Variants in THEMIS observed in about 807,000 individuals in gnomAD.
THEMIS encodes the protein thymocyte selection associated.
In THEMIS, 37 loss-of-function variants were observed where a neutral mutation model predicts 52.6. The ratio of observed to expected loss-of-function variants is 0.70; its 90% confidence interval spans 0.54 to 0.93. The LOEUF is 0.93. Among genes scored for constraint, THEMIS ranks in the 40% least tolerant of loss-of-function variants. The pLI, the probability that THEMIS is intolerant of heterozygous loss-of-function variation, is 0.00. For synonymous variants in THEMIS, 292 were observed against 272.7 expected, an observed-to-expected ratio of 1.07 and a Z score of -0.70; for missense variants, 808 against 763.1, an observed-to-expected ratio of 1.06 and a Z score of -0.69.
intron 1 of THEMIS, among the ~76,000 whole-genome samples, chr6:127,915,500 A>T (rs888734055): frequency 2.0e-5 from 3 of 151,382 alleles, no homozygotes; most frequent in African/African-American, 7.3e-5. Context: ...TTACTAAGTA[A>T]AGGCAGGGCA....
intron 4 of THEMIS, among the ~76,000 whole-genome samples, chr6:127,810,840 G>C (rs1342284701): frequency 6.6e-6 from 1 of 151,358 alleles, no homozygotes; most frequent in Non-Finnish European, 1.5e-5. Context: ...AAAATGAGAC[G>C]TGAGATGCAG....
At chr6:127,749,542 C>T (rs1427633439) in intron 4 of THEMIS, among the ~76,000 whole-genome samples, 1 of 151,846 alleles carries the variant, frequency 6.6e-6, no homozygotes, top group Non-Finnish European at 1.5e-5. Flanking sequence ...TGCTGTATGC[C>T]TTCATAGGAT....
chr6:127,744,020 C>T (rs1225257276), intron 4 of THEMIS, among the ~76,000 whole-genome samples: 2 of 151,928 alleles, frequency 1.3e-5, no homozygotes, highest in South Asian at 4.1e-4. Context: ...TAAATGTTGA[C>T]CAAATTTTCA....
At chr6:127,711,645 T>A (rs1773987141) in intron 5 of THEMIS, among the ~76,000 whole-genome samples, 1 of 151,996 alleles carries the variant, frequency 6.6e-6, no homozygotes. Context: ...TAAAACCATA[T>A]ACTGTAGAAT....
intron 4 of THEMIS, among the ~76,000 whole-genome samples, chr6:127,799,922 T>C (rs960666947): frequency 6.6e-6 from 1 of 152,212 alleles, no homozygotes; most frequent in Admixed American, 6.5e-5. Context: ...AATTTAGTCA[T>C]AATGATGTTC....
intron 4 of THEMIS, among the ~76,000 whole-genome samples, chr6:127,733,466 C>T (rs966815439): frequency 6.6e-6 from 1 of 152,156 alleles, no homozygotes; most frequent in South Asian, 2.1e-4. Flanking sequence ...CCTAACAATT[C>T]GCTGACATCA....
chr6:127,813,712 T>C lies in THEMIS; in HGVS notation c.929A>G (p.His310Arg), dbSNP rs1212899144. Residue 310 changes from histidine to arginine, a missense_variant, in exon 4 of 6, where the codon CAC becomes CGC. His to Arg is a conservative substitution (Grantham distance 29). Transcript: ENST00000368248. ...GATTCTTGATGCCTGGTACTTTTTG[T>C]GGATCACAATGGTTTTCCCAGGCTG... is the stretch of plus-strand genomic sequence containing the variant. ...ILQPGKTIVI[H>R]KKYQASRILA... The C allele has an allele frequency of 6.2e-7, 1 of 1,613,984 alleles. No individual in the cohort carries two copies. Among genetic ancestry groups the C allele is most frequent in the Admixed American group, 1.7e-5 (1 of 59,974 alleles).
chr6:127,804,540 A>G (rs1305026043), intron 4 of THEMIS, among the ~76,000 whole-genome samples: 1 of 152,190 alleles, frequency 6.6e-6, no homozygotes, highest in Non-Finnish European at 1.5e-5. Context: ...TTTATTACAA[A>G]AGATTGAGAT....
intron 1 of THEMIS, among the ~76,000 whole-genome samples, chr6:127,857,772 G>T (rs899154577): frequency 6.6e-6 from 1 of 151,994 alleles, no homozygotes; most frequent in Admixed American, 6.6e-5. Context: ...GGACATTAAG[G>T]TTTGCAAACA....
rs77473665 is a variant in THEMIS at position 127,907,532 on chromosome 6, G to A, written c.-149-6451C>T. ...GATCAAACTTGGCTCACATGTATAT[G>A]TCTCAGCCAATCATTATGACTAGAA... is the stretch of plus-strand genomic sequence containing the variant. On this transcript the variant is annotated intron_variant, in intron 1 of 6. Transcript: ENST00000368250. Among the ~76,000 whole-genome samples the A allele has an allele frequency of 4.9e-4, 74 of 151,658 alleles. No individual in the cohort carries two copies. In the East Asian group the frequency reaches 0.013, roughly 26 times the overall value.
intron 5 of THEMIS, 33 bp downstream of exon 5, chr6:127,719,644 AGTTAAACCACC>A (rs1282631713): frequency 1.9e-6 from 3 of 1,547,788 alleles, no homozygotes; most frequent in Admixed American, 4.3e-5. Flanking sequence ...TCATGTGGAC[AGTTAAACCACC>A]GTGGTTTAAC....
At chr6:127,842,930 T>G (rs1272680510) in intron 2 of THEMIS, among the ~76,000 whole-genome samples, 2 of 151,958 alleles carry the variant, frequency 1.3e-5, no homozygotes, top group Non-Finnish European at 2.9e-5. Context: ...GTCTCCTTAG[T>G]GATGTAATTC....
intron 1 of THEMIS, among the ~76,000 whole-genome samples, chr6:127,915,345 G>GCT (rs2114540201): frequency 6.6e-6 from 1 of 152,238 alleles, no homozygotes; most frequent in East Asian, 1.9e-4. Context: ...GCTAAAATTG[G>GCT]AGCTTCCAAC....
At chr6:127,710,181 AAC>A (rs1773927675) in intron 5 of THEMIS, among the ~76,000 whole-genome samples, 165 bp from the exon 6 acceptor site, 2 of 151,928 alleles carry the variant, frequency 1.3e-5, no homozygotes, top group South Asian at 4.1e-4. Context: ...AAAAAAAAGA[AAC>A]AGAAGAAAGT....
the THEMIS span, among the ~76,000 whole-genome samples, chr6:127,696,887 T>A: frequency 6.6e-6 from 1 of 152,142 alleles, no homozygotes; most frequent in South Asian, 2.1e-4. Flanking sequence ...CTTACCCTTT[T>A]TACCTTAATT....
At chr6:127,828,918 A>C (rs1210224513) in intron 3 of THEMIS, among the ~76,000 whole-genome samples, 7 of 152,194 alleles carry the variant, frequency 4.6e-5, no homozygotes, top group Non-Finnish European at 1.0e-4. Flanking sequence ...AAAACAAAAA[A>C]ACAAACAAAC....
intron 5 of THEMIS, among the ~76,000 whole-genome samples, chr6:127,711,712 C>G (rs1773989063): frequency 6.6e-6 from 1 of 151,914 alleles, no homozygotes; most frequent in African/African-American, 2.4e-5. Flanking sequence ...GATTTAATTC[C>G]CACTTCTATC....
chr6:127,911,687 C>T (rs1234020449), intron 1 of THEMIS, among the ~76,000 whole-genome samples: 1 of 151,508 alleles, frequency 6.6e-6, no homozygotes, highest in South Asian at 2.1e-4. Flanking sequence ...TATCCTTCCA[C>T]TCCAGTTGTG....
intron 4 of THEMIS, among the ~76,000 whole-genome samples, chr6:127,747,834 T>C (rs1775502363): frequency 6.6e-6 from 1 of 152,096 alleles, no homozygotes; most frequent in Non-Finnish European, 1.5e-5. Flanking sequence ...ATTATGTGTG[T>C]TTCCCTGATT....
Sources: gnomAD v4.1 joint callset for allele counts (sites outside exome capture counted in the v4.1 genomes callset) on GRCh38, gnomAD v4.1.1 for gene constraint, MANE v1.5 for transcripts, NCBI Gene and HGNC (gene_info 2026-07-23, HGNC 2026-07-21) for gene names.